FTCDNL1: variants seen among roughly 807,000 people sequenced by gnomAD.
The protein encoded by FTCDNL1 is formiminotransferase cyclodeaminase N-terminal like.
FTCDNL1 carries 11 observed loss-of-function variants against 5.9 expected under a neutral mutation model. The observed-to-expected ratio is 1.87, with a 90% confidence interval of 1.18 to 3.10. The LOEUF (loss-of-function observed/expected upper bound fraction) is 3.10, where lower values mean the gene tolerates loss of function less well. FTCDNL1 is among the 30% of genes most tolerant of loss of function. The pLI, the probability that FTCDNL1 is intolerant of heterozygous loss-of-function variation, is 0.00. For synonymous variants in FTCDNL1, 58 were observed against 24.8 expected (o/e 2.34, Z -3.99); for missense variants, 115 against 65.5 (o/e 1.76, Z -2.61).
At chr2:199,703,737 C>T in the FTCDNL1 span, among the ~76,000 whole-genome samples, 6 of 152,110 alleles carry the variant, frequency 3.9e-5, no homozygotes, top group Admixed American at 1.3e-4. Flanking sequence ...AACAAACCTG[C>T]ACATGTACCC....
chr2:199,760,958 C>A, intron 3 of FTCDNL1: 1 of 682,464 alleles, frequency 1.5e-6, no homozygotes, highest in Non-Finnish European at 2.7e-6. Context: ...AGCTACCTGG[C>A]AGCTGTCTTC....
chr2:199,757,411 C>G (rs536266863), downstream of FTCDNL1, among the ~76,000 whole-genome samples: 7 of 152,118 alleles, frequency 4.6e-5, no homozygotes. Context: ...CAGCTCCAGG[C>G]GGTTCCAGCT....
At chr2:199,814,464 C>T (rs909917740) in intron 4 of FTCDNL1, among the ~76,000 whole-genome samples, 5 of 152,180 alleles carry the variant, frequency 3.3e-5, no homozygotes, top group African/African-American at 1.2e-4. Context: ...GCATTGTGAA[C>T]CTCATTCTAT....
chr2:199,750,687 C>T, the FTCDNL1 span, among the ~76,000 whole-genome samples: 2 of 152,156 alleles, frequency 1.3e-5, no homozygotes, highest in African/African-American at 2.4e-5. Context: ...AGGTAGGGGC[C>T]CTGAAGACTC....
chr2:199,845,557 T>C (rs916585480), intron 3 of FTCDNL1, among the ~76,000 whole-genome samples: 8 of 151,642 alleles, frequency 5.3e-5, no homozygotes, highest in Non-Finnish European at 1.0e-4. Context: ...GGTGATGGAG[T>C]GAGACTCTTA....
chr2:199,673,605 C>A, the FTCDNL1 span, among the ~76,000 whole-genome samples: 1 of 152,116 alleles, frequency 6.6e-6, no homozygotes, highest in South Asian at 2.1e-4. Context: ...ACAGTCCATG[C>A]GTTCACAGGA....
At chr2:199,803,426 A>C (rs926206278) in intron 3 of FTCDNL1, among the ~76,000 whole-genome samples, 2 of 148,864 alleles carry the variant, frequency 1.3e-5, no homozygotes, top group African/African-American at 4.9e-5. Context: ...AGATCTGAGA[A>C]TGTGGGTCCA....
chr2:199,806,446 C>CA (rs1700729963), downstream of FTCDNL1, among the ~76,000 whole-genome samples: 1 of 152,124 alleles, frequency 6.6e-6, no homozygotes, highest in African/African-American at 2.4e-5. Context: ...ACAGAATAAA[C>CA]AGTAACATGA....
chr2:199,760,457 G>A (rs902419409), downstream of FTCDNL1: 64 of 211,132 alleles, frequency 3.0e-4, 1 homozygote, highest in African/African-American at 9.9e-4. Flanking sequence ...GGCTCCTTCC[G>A]GAGTGTAAAC....
the FTCDNL1 span, among the ~76,000 whole-genome samples, chr2:199,753,056 T>C: frequency 3.3e-5 from 5 of 152,078 alleles, no homozygotes; most frequent in African/African-American, 1.2e-4. Context: ...CATGGGCACA[T>C]GGTGGGGAGT....
At chr2:199,674,691 G>A in the FTCDNL1 span, among the ~76,000 whole-genome samples, 1 of 151,926 alleles carries the variant, frequency 6.6e-6, no homozygotes, top group African/African-American at 2.4e-5. Context: ...ACTTTATTTT[G>A]TCAAAATGTA....
chr2:199,677,343 CAAAGT>C, the FTCDNL1 span, among the ~76,000 whole-genome samples: 2 of 152,256 alleles, frequency 1.3e-5, no homozygotes, highest in East Asian at 3.9e-4. Flanking sequence ...ATTATCTTGA[CAAAGT>C]ATACTATTCA....
At chr2:199,804,853 A>G (rs1228096190), downstream of FTCDNL1, among the ~76,000 whole-genome samples, 1 of 152,242 alleles carries the variant, frequency 6.6e-6, no homozygotes, top group African/African-American at 2.4e-5. Context: ...GATCACAAAA[A>G]AAATTGTCAA....
At chr2:199,772,809 C>T (rs955637993) in intron 3 of FTCDNL1, among the ~76,000 whole-genome samples, 3 of 152,172 alleles carry the variant, frequency 2.0e-5, no homozygotes, top group African/African-American at 4.8e-5. Flanking sequence ...TCCATGTGAA[C>T]GTAAACCACT....
At chr2:199,684,567 C>G in the FTCDNL1 span, among the ~76,000 whole-genome samples, 1 of 152,290 alleles carries the variant, frequency 6.6e-6, no homozygotes, top group South Asian at 2.1e-4. Flanking sequence ...ACTGTATGGA[C>G]TCAGGCAATG....
rs1430913802 is a variant in FTCDNL1 at position 199,811,332 on chromosome 2, C to T, written c.*1373G>A. ...AAACATTTTTCTCTCATTTACCCCC[C>T]AATAAGTCATGTTACAAATAGCCTT... On this transcript the variant is annotated 3_prime_UTR_variant, in exon 5 of 5. Coordinates refer to ENST00000420128, the MANE Select transcript of FTCDNL1 (RefSeq NM_001363886.2). 6.6e-6 allele frequency among the ~76,000 whole-genome samples: 1 copy of T among 152,166 alleles called. No individual in the cohort carries two copies. Among genetic ancestry groups the T allele is most frequent in the African/African-American group, 2.4e-5 (1 of 41,422 alleles).
chr2:199,784,147 TGAAA>T (rs1487885952), intron 3 of FTCDNL1, among the ~76,000 whole-genome samples: 1 of 152,158 alleles, frequency 6.6e-6, no homozygotes, highest in Non-Finnish European at 1.5e-5. Context: ...TTACAGGAGA[TGAAA>T]GAGTCTTTAT....
downstream of FTCDNL1, among the ~76,000 whole-genome samples, chr2:199,756,682 T>C (rs1698084177): frequency 6.6e-6 from 1 of 152,070 alleles, no homozygotes; most frequent in African/African-American, 2.4e-5. Context: ...GGAAAGGAGG[T>C]TGTATCGGTC....
At chr2:199,822,814 C>G (rs1701780160) in intron 3 of FTCDNL1, among the ~76,000 whole-genome samples, 1 of 152,102 alleles carries the variant, frequency 6.6e-6, no homozygotes, top group Non-Finnish European at 1.5e-5. Flanking sequence ...ATTGCTTCAT[C>G]CATAAGAAGT....
Sources: gnomAD v4.1 joint callset for allele counts (sites outside exome capture counted in the v4.1 genomes callset) on GRCh38, gnomAD v4.1.1 for gene constraint, MANE v1.5 for transcripts, NCBI Gene and HGNC (gene_info 2026-07-23, HGNC 2026-07-21) for gene names.